FOXK2: variants seen among roughly 807,000 people sequenced by gnomAD.
FOXK2 encodes the protein forkhead box K2.
In FOXK2, 24 loss-of-function variants were observed where a neutral mutation model predicts 53.3. The observed-to-expected ratio is 0.45, with a 90% confidence interval of 0.33 to 0.63. The LOEUF (loss-of-function observed/expected upper bound fraction) is 0.63, where lower values mean the gene tolerates loss of function less well. Ranked by LOEUF, FOXK2 falls within the 30% of genes least tolerant of loss-of-function variation. The pLI is 0.03. For synonymous variants in FOXK2, 505 were observed against 407.1 expected (o/e 1.24, Z -2.89); for missense variants, 952 against 910.5 (o/e 1.05, Z -0.59).
At chr17:82,578,737 G>A (rs912025556) in intron 4 of FOXK2, 11 of 152,266 alleles carry the variant, frequency 7.2e-5, no homozygotes, top group Non-Finnish European at 1.0e-4. Flanking sequence ...CTGATGCTGC[G>A]AACTGGGTTC....
Position 82,585,998 on chromosome 17 carries a change from G to A in FOXK2, c.1374G>A (p.Val458=). The A allele has an allele frequency of 6.2e-7, 1 of 1,612,796 alleles. No individual in the cohort carries two copies. Among genetic ancestry groups the A allele is most frequent in the Non-Finnish European group, 8.5e-7 (1 of 1,179,956 alleles). Residue 458 remains valine (V), a synonymous_variant, in exon 7 of 9, where the codon GTG becomes GTA. Transcript: ENST00000335255. ...TCACCTACACTGTGGCCACCCCAGT[G>A]ACCACCTCGACCTCCCAGCCACCCG... is the stretch of plus-strand genomic sequence containing the variant. ...KPVTYTVATP[V]TTSTSQPPVV...
chr17:82,586,035 G>A lies in FOXK2; in HGVS notation c.1411G>A (p.Val471Ile). Residue 471 changes from valine (V) to isoleucine (I), a missense_variant, in exon 7 of 9, where the codon GTT (valine) becomes ATT (isoleucine). Physicochemically the swap from Val to Ile is conservative, Grantham distance 29 (BLOSUM62 3). Around this residue, in one of 5 missense-constraint regions of FOXK2, gnomAD observed 551 missense variants for 385.1 expected, o/e 1.43. Transcript: ENST00000335255. ...STSQPPVVQT[V>I]HVVHQIPAVS... ...CTCCCAGCCACCCGTCGTGCAGACG[G>A]TTCACGTCGTCCACCAGATCCCAGC... The A allele has an allele frequency of 6.2e-7, 1 of 1,612,836 alleles. No individual in the cohort carries two copies. Among genetic ancestry groups the A allele is most frequent in the Non-Finnish European group, 8.5e-7 (1 of 1,179,994 alleles).
At chr17:82,565,321 ACTT>A (rs2044841373) in intron 2 of FOXK2, among the ~76,000 whole-genome samples, 1 of 152,188 alleles carries the variant, frequency 6.6e-6, no homozygotes, top group African/African-American at 2.4e-5. Context: ...GACAAATTGA[ACTT>A]CTTGAAAATT....
chr17:82,590,726 T>C (rs1178351381), intron 8 of FOXK2, among the ~76,000 whole-genome samples: 1 of 152,206 alleles, frequency 6.6e-6, no homozygotes, highest in East Asian at 1.9e-4. Context: ...TAAGCAATTA[T>C]GTTTATACTA....
At chr17:82,596,103 C>T (rs1165925961) in intron 8 of FOXK2, 1 of 1,059,954 alleles carries the variant, frequency 9.4e-7, no homozygotes, top group Admixed American at 5.3e-5. Context: ...TCGGTTGAGG[C>T]CACACCTGCG....
intron 5 of FOXK2, among the ~76,000 whole-genome samples, chr17:82,583,639 C>T (rs2045093251): frequency 7.4e-6 from 1 of 135,256 alleles, no homozygotes; most frequent in Non-Finnish European, 1.6e-5. Flanking sequence ...TTTTTAGCTT[C>T]ACTAATACTG....
At chr17:82,579,044 C>T (rs145893649) in intron 4 of FOXK2, among the ~76,000 whole-genome samples, 1 of 152,152 alleles carries the variant, frequency 6.6e-6, no homozygotes, top group Non-Finnish European at 1.5e-5. Context: ...TCGGATGCTG[C>T]GTGGGGTAGC....
At chr17:82,570,749 C>T (rs971151567) in intron 3 of FOXK2, among the ~76,000 whole-genome samples, 1 of 152,174 alleles carries the variant, frequency 6.6e-6, no homozygotes, top group Non-Finnish European at 1.5e-5. Flanking sequence ...TGTTGACAAG[C>T]GTGTTGCCCA....
chr17:82,566,077 G>T (rs2044848166), intron 2 of FOXK2, among the ~76,000 whole-genome samples: 1 of 152,044 alleles, frequency 6.6e-6, no homozygotes, highest in South Asian at 2.1e-4. Context: ...GGGCGGGGAG[G>T]GGGAGCCGGT....
chr17:82,537,525 A>G (rs568876528), intron 1 of FOXK2, among the ~76,000 whole-genome samples: 115 of 147,772 alleles, frequency 7.8e-4, no homozygotes, highest in Non-Finnish European at 1.2e-3. Context: ...AGGCTAAGGC[A>G]GGAGAATTGC....
At position 82,601,541 on chromosome 17, in the gene FOXK2, G is replaced by A. The variant is rs1291358530; in HGVS notation, c.*42G>A. 6.5e-7 allele frequency: 1 copy of A among 1,547,742 alleles called. No homozygotes were observed. Among genetic ancestry groups the A allele is most frequent in the Non-Finnish European group, 8.7e-7 (1 of 1,145,004 alleles). ...TCTTTAACGATATCAACTCTGTGGT[G>A]CCAAAAGGAGACGCGGCCTCCCGCC... On this transcript the variant is annotated 3_prime_UTR_variant, in exon 9 of 9. Transcript: ENST00000335255.
rs2045416406 is a variant in FOXK2 at position 82,603,816 on chromosome 17, C to T, written c.*2317C>T. 6.6e-6 allele frequency: 1 copy of T among 151,822 alleles called. No individual in the cohort carries two copies. Among genetic ancestry groups the T allele is most frequent in the African/African-American group, 2.4e-5 (1 of 41,252 alleles). The allele number at this position is 151,822 out of a possible 1,614,324, so 9.4% of individuals were successfully genotyped here. On this transcript the variant is annotated 3_prime_UTR_variant, in exon 9 of 9. Transcript: ENST00000335255. Reference sequence around the variant, plus strand: ...ATGGAAGGTGCACACGCTCCTGTCTCCTCCTCACTCTGCCACGTTCACTTG... The same window carrying T: ...ATGGAAGGTGCACACGCTCCTGTCTTCTCCTCACTCTGCCACGTTCACTTG...
chr17:82,568,737 T>C (rs2044880115), intron 3 of FOXK2, among the ~76,000 whole-genome samples: 1 of 152,128 alleles, frequency 6.6e-6, no homozygotes, highest in African/African-American at 2.4e-5. Flanking sequence ...CGGCTGGGTG[T>C]GGTGGCTCAT....
intron 3 of FOXK2, among the ~76,000 whole-genome samples, chr17:82,569,964 G>A (rs1298981163): frequency 1.3e-5 from 2 of 148,430 alleles, no homozygotes; most frequent in Non-Finnish European, 1.5e-5. Flanking sequence ...GCTCACGCCT[G>A]TAATCCCCAG....
chr17:82,527,466 T>TA (rs373538794), intron 1 of FOXK2, among the ~76,000 whole-genome samples: 35 of 151,964 alleles, frequency 2.3e-4, no homozygotes, highest in African/African-American at 8.4e-4. Flanking sequence ...CCGACTCTAC[T>TA]AAAAATACAA....
intron 1 of FOXK2, among the ~76,000 whole-genome samples, chr17:82,529,839 G>A (rs1267771114): frequency 6.6e-6 from 1 of 152,182 alleles, no homozygotes; most frequent in Non-Finnish European, 1.5e-5. Context: ...GGTCCCTTAA[G>A]GCAGTAGTAG....
chr17:82,534,372 C>T (rs983028409), intron 1 of FOXK2, among the ~76,000 whole-genome samples: 2 of 152,186 alleles, frequency 1.3e-5, no homozygotes, highest in Non-Finnish European at 2.9e-5. Flanking sequence ...CATGACTTGT[C>T]GTACTGCTTG....
At chr17:82,571,590 G>T (rs146959082) in intron 3 of FOXK2, 134 bp from the exon 4 acceptor site, 52,888 of 933,912 alleles carry the variant, frequency 0.057, 1,841 homozygotes, top group South Asian at 0.091. Flanking sequence ...GACACAGCGA[G>T]ACTCTGTCTC....
intron 1 of FOXK2, among the ~76,000 whole-genome samples, chr17:82,521,601 G>C (rs972869841): frequency 3.3e-5 from 5 of 151,738 alleles, no homozygotes; most frequent in African/African-American, 1.2e-4. Flanking sequence ...AGGTGCACCA[G>C]CATATTCCTT....
Sources: allele counts gnomAD v4.1 joint callset (sites outside exome capture counted in the v4.1 genomes callset), GRCh38; gene constraint gnomAD v4.1.1; regional missense constraint gnomAD v4.1.1; transcripts MANE v1.5; gene names NCBI Gene and HGNC (gene_info 2026-07-23, HGNC 2026-07-21).